ZNF791: variants seen among roughly 807,000 people sequenced by gnomAD.
The protein encoded by ZNF791 is zinc finger protein 791.
Under a neutral mutation model 11.5 loss-of-function variants are expected in ZNF791, and 4 were observed. That is an observed-to-expected ratio of 0.35 (90% CI 0.17 to 0.80). The LOEUF (loss-of-function observed/expected upper bound fraction) is 0.80. ZNF791 is among the 30% of genes least tolerant of loss of function. The pLI, the probability that ZNF791 is intolerant of heterozygous loss-of-function variation, is 0.53. For missense variants in ZNF791, 559 were observed against 699.4 expected (o/e 0.80, Z 2.26); for synonymous variants, 212 against 228.1 (o/e 0.93, Z 0.64).
At chr19:12,611,681 A>G (rs2023160029) in intron 1 of ZNF791, among the ~76,000 whole-genome samples, 1 of 152,186 alleles carries the variant, frequency 6.6e-6, no homozygotes, top group South Asian at 2.1e-4. Context: ...TACATCAGAG[A>G]AAAATCAGAA....
chr19:12,628,753 A>G lies in ZNF791; in HGVS notation c.1224A>G (p.Gly408=). Residue 408 remains glycine, a synonymous_variant, in exon 4 of 4, where the codon GGA becomes GGG. Transcript: ENST00000343325. The part of the protein sequence containing the change: ...DLKIHKRNHT[G]EKPYECKECA... ...AAATCCACAAGAGAAATCACACTGG[A>G]GAAAAACCCTATGAGTGTAAGGAAT... 6.2e-7 allele frequency: 1 copy of G among 1,606,600 alleles called. No individual in the cohort carries two copies.
intron 1 of ZNF791, among the ~76,000 whole-genome samples, chr19:12,620,169 C>T (rs1320399636): frequency 6.6e-6 from 1 of 151,992 alleles, no homozygotes; most frequent in Non-Finnish European, 1.5e-5. Flanking sequence ...TCCCAAAGTG[C>T]TGGGATTACA....
chr19:12,626,140 C>T (rs1007983228), intron 3 of ZNF791, among the ~76,000 whole-genome samples: 1 of 152,240 alleles, frequency 6.6e-6, no homozygotes, highest in Non-Finnish European at 1.5e-5. Context: ...CCTCCGCCTC[C>T]CAGGTAGCTG....
At position 12,631,825 on chromosome 19, in the gene ZNF791, A is replaced by C. The variant is rs1473306354; in HGVS notation, c.*2565A>C. 2 of 152,202 alleles carry C rather than the reference A, an allele frequency of 1.3e-5. No individual in the cohort carries two copies. Among genetic ancestry groups the C allele is most frequent in the East Asian group, 3.8e-4 (2 of 5,206 alleles). The allele number at this position is 152,202 out of a possible 1,614,324, so 9.4% of individuals were successfully genotyped here. A position where few individuals can be genotyped will look rare whatever the true frequency, so the allele number is the denominator to read the frequency against. On this transcript the variant is annotated 3_prime_UTR_variant, in exon 4 of 4. Transcript: ENST00000343325. ...ATTGTAACTTAACTACTTTTCCAAG[A>C]AGTCTTGGAAGTGAGATAATTCTGT...
chr19:12,621,451 G>A (rs1009708169), intron 1 of ZNF791, among the ~76,000 whole-genome samples: 1 of 107,580 alleles, frequency 9.3e-6, no homozygotes, highest in South Asian at 2.6e-4. Context: ...ACACACAGCC[G>A]GGCGTGGTCG....
intron 1 of ZNF791, among the ~76,000 whole-genome samples, chr19:12,620,823 C>G (rs996448326): frequency 4.6e-5 from 6 of 129,114 alleles, no homozygotes; most frequent in African/African-American, 1.8e-4. Flanking sequence ...TGCAGTGGTG[C>G]GATCTTGGCT....
intron 1 of ZNF791, among the ~76,000 whole-genome samples, chr19:12,623,068 C>G (rs1225128146): frequency 6.6e-6 from 1 of 152,046 alleles, no homozygotes; most frequent in Non-Finnish European, 1.5e-5. Context: ...GAGCAAGACC[C>G]TGTCTCTTAG....
chr19:12,622,390 TAAAAA>T (rs372867409), intron 1 of ZNF791, among the ~76,000 whole-genome samples: 11 of 106,198 alleles, frequency 1.0e-4, no homozygotes, highest in Non-Finnish European at 1.2e-4. Context: ...AAAAAAATAA[TAAAAA>T]AAAGACTGTC....
chr19:12,623,934 C>T, intron 2 of ZNF791, 108 bp downstream of exon 2: 7 of 1,003,350 alleles, frequency 7.0e-6, no homozygotes, highest in Non-Finnish European at 9.7e-6. Context: ...CAGCTCACCA[C>T]AACCTCAGCC....
In ZNF791 at chr19:12,629,181, C is replaced by T. The variant is rs754102764; in HGVS notation, c.1652C>T (p.Pro551Leu). Reference protein sequence around the residue: ...RHTRIHNYEKPLECKQCGKAF... With the variant: ...RHTRIHNYEKLLECKQCGKAF... ...ACAAGAATTCACAATTATGAGAAACCTCTTGAATGTAAGCAATGTGGAAAA... is the reference window on the plus strand; with the variant it reads ...ACAAGAATTCACAATTATGAGAAACTTCTTGAATGTAAGCAATGTGGAAAA... The change falls in exon 4 of 4, where the codon CCT (proline) becomes CTT (leucine). Residue 551 changes from proline (P) to leucine (L), a missense_variant. Transcript: ENST00000343325. 6.3e-7 allele frequency: 1 copy of T among 1,585,326 alleles called. No individual in the cohort carries two copies. Among genetic ancestry groups the T allele is most frequent in the African/African-American group, 1.4e-5 (1 of 73,476 alleles).
intron 1 of ZNF791, among the ~76,000 whole-genome samples, chr19:12,613,835 G>A (rs190312726): frequency 1.1e-4 from 16 of 152,280 alleles, no homozygotes; most frequent in African/African-American, 3.4e-4. Context: ...CTTGGAAGCT[G>A]AGGATGCACA....
intron 1 of ZNF791, among the ~76,000 whole-genome samples, chr19:12,622,388 AAT>A (rs371359528): frequency 0.038 from 2,076 of 54,460 alleles, 56 homozygotes; most frequent in African/African-American, 0.11. Flanking sequence ...TAAAAAAAAT[AAT>A]AAAAAAAAGA....
rs757072961 is a variant in ZNF791 at position 12,628,223 on chromosome 19, C to G, written c.694C>G (p.Arg232Gly). ...AGCCTTCAGTTGTTCCAGTTCTATT[C>G]GAGTACACGAAAGAACTCACACTGG... ...GKAFSCSSSI[R>G]VHERTHTGEK... is the part of the protein sequence containing the mutation. The change falls in exon 4 of 4, where the codon CGA (arginine) becomes GGA (glycine). Residue 232 changes from arginine (R) to glycine (G), a missense_variant. By Grantham distance (125) the Arg-to-Gly change is moderately radical. Coordinates refer to ENST00000343325, the MANE Select transcript of ZNF791 (RefSeq NM_153358.3). 6.2e-7 allele frequency: 1 copy of G among 1,613,758 alleles called. No individual in the cohort carries two copies.
chr19:12,624,543 T>C, intron 2 of ZNF791, 107 bp from the exon 3 acceptor site: 1 of 819,190 alleles, frequency 1.2e-6, no homozygotes, highest in Non-Finnish European at 1.9e-6. Flanking sequence ...AGGAAACACT[T>C]CTGTAAATAA....
Position 12,629,017 on chromosome 19 carries a change from T to TG in ZNF791, c.1489dup (p.Glu497GlyfsTer3). ...GAACTCACACTGGGGAGAAACCTTA[T>TG]GAATGTAAGGAATGCGGGAAGGCCT... On this transcript the variant is annotated frameshift_variant, in exon 4 of 4. Transcript: ENST00000343325. LOFTEE classifies it low-confidence loss of function (END_TRUNC). The TG allele has an allele frequency of 6.2e-7, 1 of 1,613,890 alleles. No individual in the cohort carries two copies. Among genetic ancestry groups the TG allele is most frequent in the Non-Finnish European group, 8.5e-7 (1 of 1,179,952 alleles).
chr19:12,629,269 T>C lies in ZNF791; in HGVS notation c.*9T>C. 4 of 1,436,156 alleles carry C rather than the reference T, an allele frequency of 2.8e-6. No individual in the cohort carries two copies. The highest frequency in any genetic ancestry group is 3.7e-6 in the Non-Finnish European group (4 of 1,091,034). 89.0% of individuals were successfully genotyped at this position (1,436,156 alleles called of 1,614,324 possible). ...GAATGCACAATCGATAGAAACTCTA[T>C]AAATGTGAGAAATAGGAGAAAGTTT... On this transcript the variant is annotated 3_prime_UTR_variant, in exon 4 of 4. Transcript: ENST00000343325.
intron 2 of ZNF791, 52 bp downstream of exon 2, chr19:12,623,878 G>GAC: frequency 1.1e-6 from 1 of 917,958 alleles, no homozygotes; most frequent in African/African-American, 1.6e-5. Flanking sequence ...TTTGGGGGGG[G>GAC]ACAGAGTTTC....
At chr19:12,618,676 T>C (rs1267838147) in intron 1 of ZNF791, among the ~76,000 whole-genome samples, 1 of 151,412 alleles carries the variant, frequency 6.6e-6, no homozygotes, top group African/African-American at 2.4e-5. Flanking sequence ...GACAGGAGAA[T>C]TGCTTGAACC....
intron 1 of ZNF791, among the ~76,000 whole-genome samples, chr19:12,614,156 C>T (rs1010965902): frequency 6.6e-6 from 1 of 152,192 alleles, no homozygotes; most frequent in Non-Finnish European, 1.5e-5. Context: ...AGGTGTGGAG[C>T]TCCCATAGTT....
Sources: allele counts gnomAD v4.1 joint callset (sites outside exome capture counted in the v4.1 genomes callset), GRCh38; gene constraint gnomAD v4.1.1; transcripts MANE v1.5; gene names NCBI Gene and HGNC (gene_info 2026-07-23, HGNC 2026-07-21).